SGCZ: variants seen among roughly 807,000 people sequenced by gnomAD.
SGCZ encodes zeta-sarcoglycan.
SGCZ carries 40 observed loss-of-function variants against 41.3 expected under a neutral mutation model. The ratio of observed to expected loss-of-function variants is 0.97; its 90% CI spans 0.75 to 1.26. The LOEUF (loss-of-function observed/expected upper bound fraction) is 1.26, where lower values mean the gene tolerates loss of function less well. Among genes scored for constraint, SGCZ ranks in the 50% most tolerant of loss-of-function variants. The pLI is 0.00. For synonymous variants in SGCZ, 206 were observed against 137.5 expected (o/e 1.50, Z -3.49); for missense variants, 552 against 369.8 (o/e 1.49, Z -4.04).
intron 1 of SGCZ, among the ~76,000 whole-genome samples, chr8:14,902,488 T>C (rs1186821799): frequency 3.3e-5 from 5 of 152,134 alleles, no homozygotes; most frequent in African/African-American, 1.2e-4. Flanking sequence ...AGAAACTATG[T>C]GTTTAGGTAT....
chr8:14,374,993 G>C (rs1244663127), intron 2 of SGCZ, among the ~76,000 whole-genome samples: 1 of 152,098 alleles, frequency 6.6e-6, no homozygotes, highest in African/African-American at 2.4e-5. Flanking sequence ...TTGGCAATGG[G>C]ACAAGTTCTA....
chr8:15,149,513 G>A (rs528029880), intron 1 of SGCZ, among the ~76,000 whole-genome samples: 2 of 152,124 alleles, frequency 1.3e-5, no homozygotes, highest in South Asian at 4.1e-4. Context: ...CAGCCTCCAA[G>A]GCTCTGACAG....
chr8:14,977,855 C>A (rs1801530523), intron 1 of SGCZ, among the ~76,000 whole-genome samples: 1 of 150,962 alleles, frequency 6.6e-6, no homozygotes, highest in African/African-American at 2.4e-5. Context: ...AACTAGTTAT[C>A]AGGCTTTAAA....
At chr8:14,850,696 C>T (rs529277802) in intron 1 of SGCZ, among the ~76,000 whole-genome samples, 1 of 152,256 alleles carries the variant, frequency 6.6e-6, no homozygotes, top group South Asian at 2.1e-4. Flanking sequence ...TTGTAATCCT[C>T]ATAATCTCCA....
chr8:14,891,653 A>T (rs1805023454), intron 1 of SGCZ, among the ~76,000 whole-genome samples: 1 of 152,190 alleles, frequency 6.6e-6, no homozygotes, highest in Admixed American at 6.6e-5. Context: ...CTGGAGAGGA[A>T]TGACTCCAAT....
chr8:14,385,900 C>G (rs1358898113), intron 2 of SGCZ, among the ~76,000 whole-genome samples: 1 of 152,038 alleles, frequency 6.6e-6, no homozygotes, highest in Non-Finnish European at 1.5e-5. Flanking sequence ...TGTAAAATGG[C>G]ATAGTATTTG....
intron 1 of SGCZ, among the ~76,000 whole-genome samples, chr8:15,207,080 C>A (rs1185304269): frequency 6.6e-6 from 1 of 152,148 alleles, no homozygotes; most frequent in East Asian, 1.9e-4. Context: ...ACTGAAAAGG[C>A]AGTTGCTAGG....
chr8:15,179,036 A>G (rs537589216), intron 1 of SGCZ, among the ~76,000 whole-genome samples: 2 of 152,318 alleles, frequency 1.3e-5, no homozygotes, highest in Admixed American at 1.3e-4. Flanking sequence ...AGTAGACTAA[A>G]AAACTACGTA....
intron 4 of SGCZ, among the ~76,000 whole-genome samples, chr8:14,192,715 A>G (rs1342760124): frequency 6.6e-6 from 1 of 151,940 alleles, no homozygotes; most frequent in Admixed American, 6.6e-5. Context: ...ATTTCAGAAT[A>G]TATTATTAAG....
At chr8:14,944,787 C>A (rs965076608) in intron 1 of SGCZ, among the ~76,000 whole-genome samples, 39 of 152,204 alleles carry the variant, frequency 2.6e-4, no homozygotes, top group African/African-American at 9.2e-4. Flanking sequence ...TGAGACTTGA[C>A]CCCATTTTAA....
intron 1 of SGCZ, among the ~76,000 whole-genome samples, chr8:14,904,999 A>G (rs1799081699): frequency 6.6e-6 from 1 of 152,004 alleles, no homozygotes; most frequent in Non-Finnish European, 1.5e-5. Flanking sequence ...CCTAACACAA[A>G]AATTAAATCA....
intron 2 of SGCZ, among the ~76,000 whole-genome samples, chr8:14,384,003 T>C (rs10283075): frequency 0.015 from 2,241 of 151,990 alleles, 57 homozygotes; most frequent in African/African-American, 0.051. Context: ...AATTTTAGGG[T>C]ACATGTGCAC....
intron 2 of SGCZ, among the ~76,000 whole-genome samples, chr8:14,463,186 G>C (rs1333681702): frequency 1.3e-5 from 2 of 150,426 alleles, no homozygotes; most frequent in Non-Finnish European, 3.0e-5. Flanking sequence ...TATTTCTCTG[G>C]TTAGAATTTC....
At chr8:15,169,122 A>T (rs138975107) in intron 1 of SGCZ, among the ~76,000 whole-genome samples, 81 of 152,262 alleles carry the variant, frequency 5.3e-4, no homozygotes, top group African/African-American at 1.9e-3. Context: ...CCTGCTGGGA[A>T]CCCTTAAATA....
intron 5 of SGCZ, among the ~76,000 whole-genome samples, chr8:14,141,257 G>A (rs1381554242): frequency 2.6e-5 from 4 of 152,160 alleles, no homozygotes; most frequent in Non-Finnish European, 4.4e-5. Flanking sequence ...ACAGGCATGG[G>A]CAAGAACTTC....
At chr8:14,248,314 C>A (rs1585277470) in intron 3 of SGCZ, among the ~76,000 whole-genome samples, 1 of 152,112 alleles carries the variant, frequency 6.6e-6, no homozygotes, top group African/African-American at 2.4e-5. Flanking sequence ...CTACTGGCTA[C>A]CATGATCTTA....
At chr8:14,595,594 G>T (rs1026958528) in intron 1 of SGCZ, among the ~76,000 whole-genome samples, 1 of 152,150 alleles carries the variant, frequency 6.6e-6, no homozygotes, top group South Asian at 2.1e-4. Context: ...GGCTAACCTT[G>T]AACTAATTCC....
chr8:14,810,644 G>A (rs561322904), intron 1 of SGCZ, among the ~76,000 whole-genome samples: 3 of 152,060 alleles, frequency 2.0e-5, no homozygotes, highest in African/African-American at 7.2e-5. Flanking sequence ...CACTGGAGAT[G>A]GCTACAATCA....
intron 1 of SGCZ, among the ~76,000 whole-genome samples, chr8:14,842,985 A>G (rs1249870838): frequency 6.6e-6 from 1 of 152,148 alleles, no homozygotes; most frequent in African/African-American, 2.4e-5. Context: ...GGCCAAGGCG[A>G]GCGGATCTCC....
Sources: allele counts gnomAD v4.1 joint callset (sites outside exome capture counted in the v4.1 genomes callset), GRCh38; gene constraint gnomAD v4.1.1; transcripts MANE v1.5; gene names NCBI Gene and HGNC (gene_info 2026-07-23, HGNC 2026-07-21).